The following SLIT3 variants were observed in gnomAD, a reference collection of about 807,000 sequenced individuals.
SLIT3 encodes slit homolog 3 protein.
In SLIT3, 68 loss-of-function variants were observed where a neutral mutation model predicts 184.0. The observed-to-expected ratio is 0.37, with a 90% CI of 0.30 to 0.45. The LOEUF (loss-of-function observed/expected upper bound fraction) is 0.45, where lower values mean the gene tolerates loss of function less well. Among genes scored for constraint, SLIT3 ranks in the 20% least tolerant of loss-of-function variants. The pLI is 1.00. For synonymous variants in SLIT3, 831 were observed against 828.6 expected (o/e 1.00, Z -0.05); for missense variants, 1,707 against 2,026.0 (o/e 0.84, Z 3.02).
chr5:168,916,129 CCACA>C (rs1157728558), intron 4 of SLIT3, among the ~76,000 whole-genome samples: 1 of 152,210 alleles, frequency 6.6e-6, no homozygotes, highest in Non-Finnish European at 1.5e-5. Context: ...ACCACCACCA[CCACA>C]CAAATAGCAA....
intron 4 of SLIT3, among the ~76,000 whole-genome samples, chr5:168,906,643 T>C (rs1174252905): frequency 2.0e-5 from 3 of 152,130 alleles, no homozygotes; most frequent in Non-Finnish European, 4.4e-5. Flanking sequence ...ATCTTCTATA[T>C]ATATATTTTT....
At chr5:168,761,168 G>A (rs1349925561) in intron 15 of SLIT3, among the ~76,000 whole-genome samples, 1 of 152,106 alleles carries the variant, frequency 6.6e-6, no homozygotes, top group Non-Finnish European at 1.5e-5. Flanking sequence ...GGGGTTTAGG[G>A]GACTTTCTGA....
intron 3 of SLIT3, among the ~76,000 whole-genome samples, chr5:169,241,169 T>G (rs1458465961): frequency 6.6e-6 from 1 of 152,204 alleles, no homozygotes; most frequent in Admixed American, 6.5e-5. Flanking sequence ...TTTAACTTTT[T>G]CCTATATCCC....
chr5:169,080,904 T>C (rs986868652), intron 4 of SLIT3, among the ~76,000 whole-genome samples: 2 of 151,988 alleles, frequency 1.3e-5, no homozygotes, highest in African/African-American at 2.4e-5. Context: ...TCATATTTCA[T>C]GGTTTTAAAG....
chr5:169,051,966 G>A (rs930665843), intron 4 of SLIT3, among the ~76,000 whole-genome samples: 2 of 152,164 alleles, frequency 1.3e-5, no homozygotes, highest in Non-Finnish European at 2.9e-5. Flanking sequence ...TTCCCAGAGG[G>A]CAGCACAGAG....
chr5:168,963,753 T>C (rs1386143144), intron 4 of SLIT3, among the ~76,000 whole-genome samples: 1 of 152,218 alleles, frequency 6.6e-6, no homozygotes, highest in African/African-American at 2.4e-5. Context: ...AGGTTGGAAC[T>C]TGTCGAATCA....
At chr5:168,945,544 G>A (rs562581876) in intron 4 of SLIT3, among the ~76,000 whole-genome samples, 8 of 152,290 alleles carry the variant, frequency 5.3e-5, no homozygotes, top group East Asian at 3.9e-4. Context: ...CCCAGTATCC[G>A]GTCTTAGGCA....
rs1761034631 is a variant in SLIT3, at chr5:168,666,188, C to CA, written c.*265dup. On this transcript the variant is annotated 3_prime_UTR_variant, in exon 36 of 36. Transcript: ENST00000519560. ...TTAAAAACACAACAAATACACAACA[C>CA]AAAACTTGGTAAAAATAACTCACTA... 3.3e-6 allele frequency: 1 copy of CA among 304,300 alleles called. No individual in the cohort carries two copies. The highest frequency in any genetic ancestry group is 1.6e-4 in the South Asian group (1 of 6,328). The allele number at this position is 304,300 out of a possible 1,614,324, so 18.8% of individuals were successfully genotyped here.
At chr5:169,224,678 T>A (rs1407027242) in intron 3 of SLIT3, among the ~76,000 whole-genome samples, 2 of 151,918 alleles carry the variant, frequency 1.3e-5, no homozygotes, top group Non-Finnish European at 2.9e-5. Flanking sequence ...AGGCCCATTT[T>A]AAAAATTATT....
chr5:168,805,888 C>T (rs763514319), intron 9 of SLIT3, among the ~76,000 whole-genome samples: 44 of 152,214 alleles, frequency 2.9e-4, no homozygotes, highest in Non-Finnish European at 1.0e-4. Flanking sequence ...TGTAGTATTA[C>T]ATTTAGTTTT....
At chr5:169,081,430 C>A (rs1759053019) in intron 4 of SLIT3, among the ~76,000 whole-genome samples, 1 of 152,184 alleles carries the variant, frequency 6.6e-6, no homozygotes. Context: ...ACCTGCCATG[C>A]CCTGGGGTTT....
intron 4 of SLIT3, among the ~76,000 whole-genome samples, chr5:169,021,438 C>G (rs1457792728): frequency 6.6e-6 from 1 of 152,032 alleles, no homozygotes; most frequent in Admixed American, 6.6e-5. Flanking sequence ...GCAACCTCCT[C>G]CTCCCCAGTT....
chr5:169,003,474 C>T (rs1755794577), intron 4 of SLIT3, among the ~76,000 whole-genome samples: 1 of 152,232 alleles, frequency 6.6e-6, no homozygotes, highest in Non-Finnish European at 1.5e-5. Context: ...TCAGAGGCTC[C>T]TACCAGAAAA....
intron 4 of SLIT3, among the ~76,000 whole-genome samples, chr5:168,891,648 T>C (rs547283384): frequency 3.0e-4 from 45 of 152,224 alleles, no homozygotes; most frequent in Non-Finnish European, 5.9e-4. Flanking sequence ...CCAAGCACTA[T>C]GGAGATAAGA....
At chr5:168,859,146 G>T (rs1449771386) in intron 5 of SLIT3, among the ~76,000 whole-genome samples, 1 of 152,096 alleles carries the variant, frequency 6.6e-6, no homozygotes, top group Admixed American at 6.6e-5. Context: ...CTTTTCCTTG[G>T]GTCAGCACTG....
At chr5:168,795,703 T>A in intron 9 of SLIT3, 125 bp from the exon 10 acceptor site, 1 of 757,838 alleles carries the variant, frequency 1.3e-6, no homozygotes, top group South Asian at 1.5e-5. Context: ...CACGGTCTGG[T>A]TGTGGCAGAC....
chr5:168,787,768 T>A (rs1286110641), intron 11 of SLIT3, among the ~76,000 whole-genome samples: 1 of 152,092 alleles, frequency 6.6e-6, no homozygotes, highest in African/African-American at 2.4e-5. Flanking sequence ...GATAAATATT[T>A]GTTGAATGAA....
intron 4 of SLIT3, among the ~76,000 whole-genome samples, chr5:169,076,361 C>A (rs1758741883): frequency 6.6e-6 from 1 of 152,162 alleles, no homozygotes; most frequent in Non-Finnish European, 1.5e-5. Context: ...AATGGGCATT[C>A]AGTAAATATT....
At chr5:169,034,502 C>T (rs577992101) in intron 4 of SLIT3, among the ~76,000 whole-genome samples, 1 of 152,296 alleles carries the variant, frequency 6.6e-6, no homozygotes, top group Admixed American at 6.5e-5. Flanking sequence ...ATTTATTGAA[C>T]AGACTATCCT....
Sources: gnomAD v4.1 joint callset for allele counts (sites outside exome capture counted in the v4.1 genomes callset) on GRCh38, gnomAD v4.1.1 for gene constraint, MANE v1.5 for transcripts, NCBI Gene and HGNC (gene_info 2026-07-23, HGNC 2026-07-21) for gene names.